SHOC2: variants seen among roughly 807,000 people sequenced by gnomAD.
SHOC2 encodes the protein leucine-rich repeat protein SHOC-2.
Under a neutral mutation model 50.2 loss-of-function variants are expected in SHOC2, and 4 were observed. The observed-to-expected ratio is 0.08, with a 90% CI of 0.04 to 0.18. The LOEUF is 0.18. SHOC2 is among the 10% of genes least tolerant of loss of function. The pLI is 1.00. For synonymous variants in SHOC2, 218 were observed against 244.5 expected, an observed-to-expected ratio of 0.89 and a Z score of 1.01; for missense variants, 388 against 669.6, an observed-to-expected ratio of 0.58 and a Z score of 4.64.
At chr10:110,940,625 C>G (rs1300463394) in intron 1 of SHOC2, among the ~76,000 whole-genome samples, 1 of 152,050 alleles carries the variant, frequency 6.6e-6, no homozygotes, top group Admixed American at 6.5e-5. Flanking sequence ...TGTTTATGAA[C>G]ATTTCAATTT....
At chr10:110,989,482 T>G (rs1664916192) in intron 3 of SHOC2, among the ~76,000 whole-genome samples, 1 of 152,220 alleles carries the variant, frequency 6.6e-6, no homozygotes, top group South Asian at 2.1e-4. Flanking sequence ...TGTGTGTAGC[T>G]TTTATAATTT....
chr10:110,995,060 A>T (rs1848246433), intron 3 of SHOC2, among the ~76,000 whole-genome samples: 1 of 152,186 alleles, frequency 6.6e-6, no homozygotes, highest in African/African-American at 2.4e-5. Flanking sequence ...AAGAAAATAG[A>T]TTTTTATGGG....
At chr10:110,953,950 G>A (rs1036151069) in intron 1 of SHOC2, among the ~76,000 whole-genome samples, 1 of 150,634 alleles carries the variant, frequency 6.6e-6, no homozygotes, top group Admixed American at 6.6e-5. Flanking sequence ...ATCTATCTTG[G>A]TTTATTTTAT....
chr10:110,975,317 G>A (rs369520657), intron 2 of SHOC2, among the ~76,000 whole-genome samples: 5 of 152,004 alleles, frequency 3.3e-5, no homozygotes, highest in East Asian at 3.9e-4. Flanking sequence ...GACCACGCCC[G>A]GCTAATTTTT....
At chr10:111,009,976 T>C (rs998412314) in intron 8 of SHOC2, 146 bp downstream of exon 8, 6 of 604,754 alleles carry the variant, frequency 9.9e-6, no homozygotes, top group Admixed American at 8.8e-5. Flanking sequence ...AGAGCACCGA[T>C]GGTTGATTGT....
intron 1 of SHOC2, among the ~76,000 whole-genome samples, chr10:110,922,624 T>C (rs1173138436): frequency 2.0e-5 from 3 of 152,040 alleles, no homozygotes; most frequent in Admixed American, 2.0e-4. Context: ...ATCTTTCATG[T>C]ATGAAAAAGC....
At chr10:110,949,497 C>A (rs1299269892) in intron 1 of SHOC2, among the ~76,000 whole-genome samples, 2 of 152,072 alleles carry the variant, frequency 1.3e-5, no homozygotes, top group Non-Finnish European at 2.9e-5. Context: ...CTGGTGAATT[C>A]CAACAAACCT....
chr10:110,921,944 T>C (rs1041084894), intron 1 of SHOC2, among the ~76,000 whole-genome samples: 11 of 152,222 alleles, frequency 7.2e-5, no homozygotes, highest in African/African-American at 2.6e-4. Flanking sequence ...TATTAAAATA[T>C]ACATTAATAG....
intron 5 of SHOC2, 116 bp downstream of exon 5, chr10:111,004,910 A>G (rs1220239888): frequency 4.1e-6 from 3 of 725,628 alleles, no homozygotes; most frequent in Non-Finnish European, 2.4e-6. Flanking sequence ...TGATGGGTCT[A>G]AACTGATCAT....
chr10:111,001,615 A>C (rs1464930967), intron 4 of SHOC2, among the ~76,000 whole-genome samples: 3 of 152,196 alleles, frequency 2.0e-5, no homozygotes, highest in Non-Finnish European at 4.4e-5. Flanking sequence ...TTGGGGACTT[A>C]TGGATTGATT....
intron 3 of SHOC2, among the ~76,000 whole-genome samples, chr10:110,989,307 T>C (rs1431916804): frequency 2.6e-5 from 4 of 152,192 alleles, no homozygotes; most frequent in Middle Eastern, 3.4e-3. Context: ...ATAGGTAACA[T>C]ACCTTGTTGT....
At chr10:111,009,587 T>G in intron 7 of SHOC2, 126 bp from the exon 8 acceptor site, 1 of 794,024 alleles carries the variant, frequency 1.3e-6, no homozygotes, top group East Asian at 2.7e-5. Flanking sequence ...GTAATGTAAG[T>G]GATTCTCATT....
chr10:111,005,743 T>C (rs1214278537), intron 5 of SHOC2, among the ~76,000 whole-genome samples: 2 of 152,194 alleles, frequency 1.3e-5, no homozygotes, highest in Non-Finnish European at 2.9e-5. Flanking sequence ...ATTATCAAGT[T>C]CAGTGATTTA....
intron 2 of SHOC2, among the ~76,000 whole-genome samples, chr10:110,975,345 C>T (rs371802643): frequency 7.9e-5 from 12 of 151,984 alleles, no homozygotes; most frequent in Non-Finnish European, 1.5e-5. Flanking sequence ...TTAGTAAAGA[C>T]GGGGTTTCAC....
In SHOC2 at chr10:110,977,858, C is replaced by T. The variant is rs147500915; in HGVS notation, c.704-7770C>T. On this transcript the variant is annotated intron_variant, in intron 2 of 8. Transcript: ENST00000369452. ...CACTATTCACAACCTTGTGTGACTG[C>T]TGGGAATTGTTTGGGTTGCTGCTGC... 1.3e-3 allele frequency among the ~76,000 whole-genome samples: 193 copies of T among 152,280 alleles called. 1 individual carries two copies. Among genetic ancestry groups the T allele is most frequent in the African/African-American group, 4.4e-3 (183 of 41,562 alleles).
chr10:110,962,468 T>TC (rs1161338805), intron 1 of SHOC2, among the ~76,000 whole-genome samples: 2 of 152,234 alleles, frequency 1.3e-5, no homozygotes, highest in Non-Finnish European at 2.9e-5. Context: ...ATAATTTTTT[T>TC]CTTTTTTTTT....
chr10:110,982,903 G>T (rs1046677982), intron 2 of SHOC2, among the ~76,000 whole-genome samples: 7 of 152,028 alleles, frequency 4.6e-5, no homozygotes, highest in African/African-American at 1.7e-4. Flanking sequence ...CATAAAATCG[G>T]TGTTAATTCA....
chr10:110,966,716 A>G (rs1397830514), intron 2 of SHOC2, among the ~76,000 whole-genome samples: 1 of 152,114 alleles, frequency 6.6e-6, no homozygotes, highest in Non-Finnish European at 1.5e-5. Context: ...TATGTGGCTT[A>G]TATTTGTGGC....
At position 111,003,335 on chromosome 10, in the gene SHOC2, GTTTC is replaced by G. The variant is rs1253853633; in HGVS notation, c.973-1268_973-1265del. Among the ~76,000 whole-genome samples, 17 of 152,086 alleles carry G rather than the reference GTTTC, an allele frequency of 1.1e-4. 1 individual carries two copies. Among genetic ancestry groups the G allele is most frequent in the African/African-American group, 3.9e-4 (16 of 41,406 alleles). On this transcript the variant is annotated intron_variant, in intron 4 of 8. Coordinates refer to ENST00000369452, the MANE Select transcript of SHOC2 (RefSeq NM_007373.4). ...TGTGCTTTTACTTTGAATCTAGAGT[GTTTC>G]TTCTATTTCTCTGAGTATTTTAAAA...
Sources: allele counts gnomAD v4.1 joint callset (sites outside exome capture counted in the v4.1 genomes callset), GRCh38; gene constraint gnomAD v4.1.1; transcripts MANE v1.5; gene names NCBI Gene and HGNC (gene_info 2026-07-23, HGNC 2026-07-21).